GABRB1: variants seen among roughly 807,000 people sequenced by gnomAD.
The protein encoded by GABRB1 is gamma-aminobutyric acid receptor subunit beta-1.
GABRB1 carries 17 observed loss-of-function variants against 51.6 expected under a neutral mutation model. That is an observed-to-expected ratio of 0.33 (90% confidence interval 0.23 to 0.49). The LOEUF is 0.49. GABRB1 is among the 20% of genes least tolerant of loss of function. The pLI is 0.99. For synonymous variants in GABRB1, 247 were observed against 218.9 expected, an observed-to-expected ratio of 1.13 and a Z score of -1.14; for missense variants, 410 against 600.6, an observed-to-expected ratio of 0.68 and a Z score of 3.32.
chr4:47,230,653 T>C (rs554401216), intron 4 of GABRB1, among the ~76,000 whole-genome samples: 3 of 152,346 alleles, frequency 2.0e-5, no homozygotes, highest in Admixed American at 6.5e-5. Context: ...TTTTCTCTTA[T>C]GGATCTCTAT....
At chr4:47,053,354 GTCT>G (rs1052331519) in intron 3 of GABRB1, among the ~76,000 whole-genome samples, 2 of 152,148 alleles carry the variant, frequency 1.3e-5, no homozygotes, top group African/African-American at 4.8e-5. Context: ...GTCTGGTGAG[GTCT>G]TCTTAGTTCA....
intron 4 of GABRB1, among the ~76,000 whole-genome samples, chr4:47,302,046 TAG>T (rs1349472759): frequency 6.6e-6 from 1 of 152,126 alleles, no homozygotes; most frequent in Non-Finnish European, 1.5e-5. Context: ...TAAAGAAATG[TAG>T]AGTGTTTATA....
At chr4:47,037,495 G>A (rs1256204446) in intron 3 of GABRB1, among the ~76,000 whole-genome samples, 1 of 151,128 alleles carries the variant, frequency 6.6e-6, no homozygotes, top group African/African-American at 2.4e-5. Context: ...TCTTCCCTTT[G>A]CCTGTCTGTT....
chr4:47,138,628 A>G (rs1716780934), intron 3 of GABRB1, among the ~76,000 whole-genome samples: 1 of 152,104 alleles, frequency 6.6e-6, no homozygotes, highest in African/African-American at 2.4e-5. Flanking sequence ...GCAAGAAACT[A>G]TAAAGACATC....
chr4:47,285,501 T>G (rs1723474284), intron 4 of GABRB1, among the ~76,000 whole-genome samples: 1 of 152,214 alleles, frequency 6.6e-6, no homozygotes, highest in Non-Finnish European at 1.5e-5. Flanking sequence ...CTTTTCTCTT[T>G]TAGTTTATCC....
intron 3 of GABRB1, among the ~76,000 whole-genome samples, chr4:47,131,843 A>G (rs1185440451): frequency 1.3e-5 from 2 of 152,182 alleles, no homozygotes; most frequent in Admixed American, 6.5e-5. Flanking sequence ...CTAATTGACA[A>G]GTAAAATATC....
At chr4:47,180,747 A>G (rs1477292911) in intron 4 of GABRB1, among the ~76,000 whole-genome samples, 1 of 152,070 alleles carries the variant, frequency 6.6e-6, no homozygotes, top group Non-Finnish European at 1.5e-5. Flanking sequence ...ATTGCCAAGC[A>G]CAGTTATAAT....
At chr4:47,164,157 T>A (rs1326071887) in intron 4 of GABRB1, among the ~76,000 whole-genome samples, 1 of 152,004 alleles carries the variant, frequency 6.6e-6, no homozygotes, top group Non-Finnish European at 1.5e-5. Flanking sequence ...CACCGGGCCC[T>A]CCCTTGACAC....
intron 4 of GABRB1, among the ~76,000 whole-genome samples, chr4:47,193,973 C>T (rs145851005): frequency 1.1e-4 from 16 of 152,272 alleles, no homozygotes; most frequent in African/African-American, 3.1e-4. Context: ...ATTTCAGACA[C>T]AATTCTCAAA....
chr4:47,226,395 G>A (rs576635019), intron 4 of GABRB1, among the ~76,000 whole-genome samples: 206 of 152,214 alleles, frequency 1.4e-3, no homozygotes, highest in African/African-American at 4.6e-3. Flanking sequence ...TACAGGTAAA[G>A]GAGGAGCAAA....
chr4:47,264,130 A>G (rs1401969301), intron 4 of GABRB1, among the ~76,000 whole-genome samples: 2 of 152,160 alleles, frequency 1.3e-5, no homozygotes, highest in Non-Finnish European at 2.9e-5. Context: ...CAAAAGTGCA[A>G]GACTCTATCT....
chr4:47,165,066 T>C (rs983253249), intron 4 of GABRB1, among the ~76,000 whole-genome samples: 25 of 152,254 alleles, frequency 1.6e-4, no homozygotes, highest in Non-Finnish European at 4.4e-5. Flanking sequence ...CTTTAGTCCA[T>C]GTGCCATGAG....
chr4:47,418,782 G>C (rs1729009614), intron 8 of GABRB1, among the ~76,000 whole-genome samples: 1 of 152,164 alleles, frequency 6.6e-6, no homozygotes, highest in African/African-American at 2.4e-5. Flanking sequence ...GAACAAGTTG[G>C]ATGGGAAGAG....
At chr4:47,288,910 C>T (rs1364557201) in intron 4 of GABRB1, among the ~76,000 whole-genome samples, 3 of 152,122 alleles carry the variant, frequency 2.0e-5, no homozygotes, top group Admixed American at 6.5e-5. Context: ...CATCCATATC[C>T]TATACTTCTA....
chr4:47,260,582 G>A (rs796778001), intron 4 of GABRB1, among the ~76,000 whole-genome samples: 2 of 151,986 alleles, frequency 1.3e-5, no homozygotes, highest in Admixed American at 6.6e-5. Flanking sequence ...TCCTTCACTT[G>A]TGAAGCTTAG....
At chr4:47,204,987 C>T (rs1257186409) in intron 4 of GABRB1, among the ~76,000 whole-genome samples, 2 of 152,140 alleles carry the variant, frequency 1.3e-5, no homozygotes, top group Admixed American at 1.3e-4. Flanking sequence ...AAGTAAATGA[C>T]TACCTGTTGG....
At chr4:47,031,561 A>G, upstream of GABRB1, 1 of 1,036,170 alleles carries the variant, frequency 9.7e-7, no homozygotes, top group Non-Finnish European at 1.5e-6. Context: ...GCGCATGCGC[A>G]GGTCCATTCG....
intron 3 of GABRB1, among the ~76,000 whole-genome samples, chr4:47,037,321 T>C (rs1053003039): frequency 2.0e-5 from 3 of 152,168 alleles, no homozygotes; most frequent in Admixed American, 6.5e-5. Context: ...TATAATAGAA[T>C]TTCCTTTGCA....
intron 4 of GABRB1, among the ~76,000 whole-genome samples, chr4:47,239,619 C>A (rs188407309): frequency 2.6e-5 from 4 of 152,282 alleles, no homozygotes; most frequent in Admixed American, 1.3e-4. Flanking sequence ...TAAACTGATT[C>A]ATCTGAAATT....
Sources: gnomAD v4.1 joint callset for allele counts (sites outside exome capture counted in the v4.1 genomes callset) on GRCh38, gnomAD v4.1.1 for gene constraint, MANE v1.5 for transcripts, NCBI Gene and HGNC (gene_info 2026-07-23, HGNC 2026-07-21) for gene names.